The following HSD17B11 variants were observed in gnomAD, a reference collection of about 807,000 sequenced individuals.
HSD17B11 encodes the protein estradiol 17-beta-dehydrogenase 11.
HSD17B11 carries 22 observed loss-of-function variants against 27.8 expected under a neutral mutation model. The observed-to-expected ratio is 0.79, with a 90% CI of 0.56 to 1.13. The LOEUF (loss-of-function observed/expected upper bound fraction) is 1.13. Ranked by LOEUF, HSD17B11 falls within the 50% of genes most tolerant of loss-of-function variation. The pLI is 0.00. For synonymous variants in HSD17B11, 117 were observed against 132.8 expected, an observed-to-expected ratio of 0.88 and a Z score of 0.82; for missense variants, 314 against 351.1, an observed-to-expected ratio of 0.89 and a Z score of 0.84.
intron 5 of HSD17B11, among the ~76,000 whole-genome samples, chr4:87,344,739 T>C (rs989341507): frequency 2.0e-5 from 3 of 152,198 alleles, no homozygotes; most frequent in East Asian, 1.9e-4. Context: ...AGGTAGACCA[T>C]ACATCAGACC....
At chr4:87,365,481 T>C (rs867297210) in intron 4 of HSD17B11, among the ~76,000 whole-genome samples, 8 of 152,344 alleles carry the variant, frequency 5.3e-5, no homozygotes, top group African/African-American at 1.4e-4. Flanking sequence ...TTTTGAAAAC[T>C]GTTCTATTTA....
rs375550989 is a variant in HSD17B11 at position 87,358,390 on chromosome 4, A to G, written c.558-974T>C. 1.3e-4 allele frequency among the ~76,000 whole-genome samples: 20 copies of G among 152,330 alleles called. 1 individual carries two copies. The South Asian group carries it at 4.1e-3, about 32-fold the overall frequency. On this transcript the variant is annotated intron_variant, in intron 4 of 6. Transcript: ENST00000358290. ...TTAGGTGCTCAATGAATATTTGTCAAATGAATGAATCACAATGCAAAGCGT... is the reference window on the plus strand; with the variant it reads ...TTAGGTGCTCAATGAATATTTGTCAGATGAATGAATCACAATGCAAAGCGT...
intron 5 of HSD17B11, among the ~76,000 whole-genome samples, chr4:87,356,379 T>C (rs1230318744): frequency 6.6e-6 from 1 of 152,226 alleles, no homozygotes; most frequent in Non-Finnish European, 1.5e-5. Context: ...AAATCATCAC[T>C]AGGAGATGCT....
intron 4 of HSD17B11, among the ~76,000 whole-genome samples, chr4:87,371,511 T>A (rs1206358305): frequency 1.3e-5 from 2 of 152,232 alleles, no homozygotes; most frequent in African/African-American, 4.8e-5. Context: ...GGTAGTTAAA[T>A]GGATGTATCC....
chr4:87,368,553 T>G (rs529516940), intron 4 of HSD17B11, among the ~76,000 whole-genome samples: 2 of 152,280 alleles, frequency 1.3e-5, no homozygotes, highest in South Asian at 4.1e-4. Flanking sequence ...TCAAGAGGCA[T>G]GTGAAACAGA....
intron 3 of HSD17B11, 44 bp from the exon 4 acceptor site, chr4:87,372,859 G>C: frequency 8.8e-7 from 1 of 1,135,206 alleles, no homozygotes; most frequent in East Asian, 2.4e-5. Context: ...CTGTATTTCA[G>C]ACTCACAGAC....
chr4:87,366,767 C>A (rs1735620145), intron 4 of HSD17B11, among the ~76,000 whole-genome samples: 1 of 152,064 alleles, frequency 6.6e-6, no homozygotes, highest in Admixed American at 6.6e-5. Context: ...CTATAGAATT[C>A]TAGCAGATGT....
chr4:87,340,066 T>A (rs1445367008), intron 6 of HSD17B11, among the ~76,000 whole-genome samples: 2 of 149,074 alleles, frequency 1.3e-5, no homozygotes, highest in African/African-American at 2.4e-5. Flanking sequence ...TAAAAAAAAA[T>A]TTAGCAATTC....
At chr4:87,369,709 T>C (rs1735674446) in intron 4 of HSD17B11, among the ~76,000 whole-genome samples, 1 of 152,158 alleles carries the variant, frequency 6.6e-6, no homozygotes, top group South Asian at 2.1e-4. Flanking sequence ...CCTGGGGGAT[T>C]ACAGGTGTCA....
At chr4:87,374,975 C>A (rs771012266) in intron 2 of HSD17B11, 145 bp from the exon 3 acceptor site, 9 of 507,548 alleles carry the variant, frequency 1.8e-5, no homozygotes, top group Non-Finnish European at 2.7e-5. Context: ...CTCACTGCAA[C>A]CTCCACCTCC....
chr4:87,340,657 CT>C, intron 5 of HSD17B11, 51 bp from the exon 6 acceptor site: 1 of 1,279,542 alleles, frequency 7.8e-7, no homozygotes, highest in Non-Finnish European at 1.1e-6. Flanking sequence ...GAGGCTTCAG[CT>C]TTAGTTTGGT....
rs1312561408 is a variant in HSD17B11 at position 87,340,612 on chromosome 4, A to C, written c.696-6T>G. On this transcript the variant is annotated splice_polypyrimidine_tract_variant and splice_region_variant and intron_variant, in intron 5 of 6. Coordinates refer to ENST00000358290, the MANE Select transcript of HSD17B11 (RefSeq NM_016245.5). ...GTTCCAGAGTGGGTCCCAAACTGAA[A>C]TCAGAGTCAGTCTTCAGAAACAAAA... 6.3e-7 allele frequency: 1 copy of C among 1,590,700 alleles called. No individual in the cohort carries two copies. Among genetic ancestry groups the C allele is most frequent in the Admixed American group, 1.7e-5 (1 of 58,580 alleles).
In HSD17B11 at chr4:87,382,335, A is replaced by G; in HGVS notation, c.238T>C (p.Cys80Arg). The G allele has an allele frequency of 6.2e-7, 1 of 1,613,954 alleles. No homozygotes were observed. Among genetic ancestry groups the G allele is most frequent in the Non-Finnish European group, 8.5e-7 (1 of 1,179,812 alleles). ...KHGLEETAAK[C>R]KGLGAKVHTF... is the part of the protein sequence containing the mutation. ...TGAACCTTGGCACCCAGTCCCTTGC[A>G]TTTGGCAGCTGTTTCCTCCAGTCCA... The change falls in exon 2 of 7, where the codon TGC (cysteine) becomes CGC (arginine). Residue 80 changes from cysteine (C) to arginine (R), a missense_variant. Physicochemically the swap from Cys to Arg is radical, Grantham distance 180. Transcript: ENST00000358290.
intron 5 of HSD17B11, among the ~76,000 whole-genome samples, chr4:87,346,733 C>T (rs1235192065): frequency 2.6e-5 from 4 of 152,018 alleles, no homozygotes; most frequent in Non-Finnish European, 5.9e-5. Context: ...CATGGAAGTA[C>T]TGTTTTTTTC....
chr4:87,363,777 C>T (rs531366289), intron 4 of HSD17B11, among the ~76,000 whole-genome samples: 1 of 152,308 alleles, frequency 6.6e-6, no homozygotes, highest in South Asian at 2.1e-4. Flanking sequence ...TAAGGTTTTG[C>T]ACTTTCACAG....
At chr4:87,342,871 C>CA (rs1560757917) in intron 5 of HSD17B11, among the ~76,000 whole-genome samples, 1 of 152,004 alleles carries the variant, frequency 6.6e-6, no homozygotes, top group African/African-American at 2.4e-5. Context: ...CTAATGGAAG[C>CA]AAAAAATCAA....
chr4:87,383,310 G>A (rs1283892660), intron 1 of HSD17B11, among the ~76,000 whole-genome samples: 1 of 152,102 alleles, frequency 6.6e-6, no homozygotes, highest in Non-Finnish European at 1.5e-5. Flanking sequence ...AGGTTTATGT[G>A]TCGTATTGAT....
chr4:87,338,692 C>T (rs369298460), intron 6 of HSD17B11, among the ~76,000 whole-genome samples: 6 of 152,178 alleles, frequency 3.9e-5, no homozygotes, highest in African/African-American at 1.2e-4. Context: ...TGTTCCAACA[C>T]GCCTGGCTAA....
intron 2 of HSD17B11, among the ~76,000 whole-genome samples, chr4:87,378,518 CAATTA>C (rs1296685544): frequency 6.6e-6 from 1 of 151,592 alleles, no homozygotes; most frequent in Non-Finnish European, 1.5e-5. Flanking sequence ...TTAAAATGTA[CAATTA>C]AATTACTATT....
Sources: gnomAD v4.1 joint callset for allele counts (sites outside exome capture counted in the v4.1 genomes callset) on GRCh38, gnomAD v4.1.1 for gene constraint, MANE v1.5 for transcripts, NCBI Gene and HGNC (gene_info 2026-07-23, HGNC 2026-07-21) for gene names.